Variants in PDE1C observed in about 807,000 individuals in gnomAD.
The protein encoded by PDE1C is dual specificity calcium/calmodulin-dependent 3',5'-cyclic nucleotide phosphodiesterase 1C.
In PDE1C, 62 loss-of-function variants were observed where a neutral mutation model predicts 93.1. The ratio of observed to expected loss-of-function variants is 0.67; its 90% CI spans 0.54 to 0.82. The LOEUF is 0.82. Among genes scored for constraint, PDE1C ranks in the 40% least tolerant of loss-of-function variants. The pLI, the probability that PDE1C is intolerant of heterozygous loss-of-function variation, is 0.00. For missense variants in PDE1C, 742 were observed against 884.6 expected, an observed-to-expected ratio of 0.84 and a Z score of 2.04; for synonymous variants, 325 against 310.1, an observed-to-expected ratio of 1.05 and a Z score of -0.50.
At chr7:32,137,434 C>T (rs1291048303) in intron 3 of PDE1C, among the ~76,000 whole-genome samples, 1 of 152,168 alleles carries the variant, frequency 6.6e-6, no homozygotes, top group Non-Finnish European at 1.5e-5. Flanking sequence ...GCTTAGGTGT[C>T]ACCATTATTA....
At chr7:32,032,551 T>C (rs1459894246) in intron 2 of PDE1C, among the ~76,000 whole-genome samples, 1 of 152,126 alleles carries the variant, frequency 6.6e-6, no homozygotes, top group South Asian at 2.1e-4. Context: ...ACAAGATGAA[T>C]GCAAAGAGAA....
chr7:32,386,789 C>T (rs914124089), intron 1 of PDE1C, among the ~76,000 whole-genome samples: 22 of 151,824 alleles, frequency 1.4e-4, no homozygotes, highest in Admixed American at 1.3e-3. Context: ...CACACACAGG[C>T]TTTGGAAGAA....
At chr7:32,323,962 A>G (rs1783351221) in intron 1 of PDE1C, among the ~76,000 whole-genome samples, 1 of 152,198 alleles carries the variant, frequency 6.6e-6, no homozygotes, top group African/African-American at 2.4e-5. Flanking sequence ...GCTTCCTTCA[A>G]GGTACATACA....
intron 11 of PDE1C, among the ~76,000 whole-genome samples, chr7:31,829,947 T>A (rs893574137): frequency 6.6e-6 from 1 of 152,146 alleles, no homozygotes; most frequent in Non-Finnish European, 1.5e-5. Flanking sequence ...AATTGTTCTG[T>A]CAGTACATTT....
At chr7:32,092,057 T>C (rs888587367) in intron 3 of PDE1C, among the ~76,000 whole-genome samples, 1 of 152,156 alleles carries the variant, frequency 6.6e-6, no homozygotes, top group Non-Finnish European at 1.5e-5. Context: ...CTCATCCCTA[T>C]GTTCTAAGAG....
chr7:31,838,652 C>T (rs1026266534), intron 9 of PDE1C, among the ~76,000 whole-genome samples: 1 of 152,094 alleles, frequency 6.6e-6, no homozygotes, highest in Non-Finnish European at 1.5e-5. Flanking sequence ...GATTCAGCAC[C>T]CTAAAATCCC....
chr7:31,792,539 A>G (rs1784706876), intron 16 of PDE1C, among the ~76,000 whole-genome samples: 1 of 152,092 alleles, frequency 6.6e-6, no homozygotes, highest in Admixed American at 6.6e-5. Context: ...ATGATATGTC[A>G]AAATATTTAC....
intron 15 of PDE1C, among the ~76,000 whole-genome samples, chr7:31,809,895 T>G (rs946263237): frequency 6.6e-6 from 1 of 152,116 alleles, no homozygotes; most frequent in Non-Finnish European, 1.5e-5. Context: ...AACACAGTCA[T>G]GTTCTTCAAG....
chr7:31,674,482 A>G, the PDE1C span, among the ~76,000 whole-genome samples: 1 of 152,202 alleles, frequency 6.6e-6, no homozygotes, highest in Non-Finnish European at 1.5e-5. Flanking sequence ...ACACTTCTGA[A>G]GAAGATCATG....
chr7:31,689,963 C>T, the PDE1C span, among the ~76,000 whole-genome samples: 1 of 152,232 alleles, frequency 6.6e-6, no homozygotes, highest in Non-Finnish European at 1.5e-5. Flanking sequence ...AGTGTTGTTT[C>T]TCCCATAGAC....
chr7:31,927,558 A>G (rs1803567010), intron 2 of PDE1C, among the ~76,000 whole-genome samples: 1 of 152,192 alleles, frequency 6.6e-6, no homozygotes, highest in Non-Finnish European at 1.5e-5. Context: ...TCCAGCTGGT[A>G]TCAGACAGGT....
At chr7:31,694,080 G>A in the PDE1C span, among the ~76,000 whole-genome samples, 1 of 152,174 alleles carries the variant, frequency 6.6e-6, no homozygotes, top group African/African-American at 2.4e-5. Context: ...TGCTGCTGAA[G>A]AGTTAAAAGA....
chr7:31,808,313 T>C (rs780625579), intron 16 of PDE1C: 1 of 363,916 alleles, frequency 2.7e-6, no homozygotes, highest in South Asian at 2.2e-5. Flanking sequence ...TAATATGATG[T>C]CTGTGTATGA....
At chr7:32,249,501 A>G (rs1809207075) in intron 1 of PDE1C, among the ~76,000 whole-genome samples, 1 of 152,160 alleles carries the variant, frequency 6.6e-6, no homozygotes, top group Non-Finnish European at 1.5e-5. Context: ...CTTAAACACC[A>G]GGCTAACTCA....
At position 32,273,225 on chromosome 7, in the gene PDE1C, C is replaced by T. The variant is rs528168329; in HGVS notation, c.85+25426G>A. On this transcript the variant is annotated intron_variant, in intron 1 of 18. Coordinates refer to the PDE1C transcript ENST00000396193. ...GACAGACATAGGACAAAGAGTGCCC[C>T]GGTGAGAGGGAAGACAGTAGTGTTC... Among the ~76,000 whole-genome samples the T allele has an allele frequency of 5.3e-5, 8 of 152,284 alleles. 1 individual carries two copies. In the East Asian group the frequency reaches 1.4e-3, roughly 26 times the overall value.
chr7:32,384,082 T>A (rs74630454), intron 1 of PDE1C, among the ~76,000 whole-genome samples: 1 of 152,176 alleles, frequency 6.6e-6, no homozygotes, highest in African/African-American at 2.4e-5. Context: ...AAAAGAGCCC[T>A]CTCATTCACC....
intron 7 of PDE1C, among the ~76,000 whole-genome samples, chr7:31,859,115 T>G (rs571657751): frequency 7.1e-6 from 1 of 140,070 alleles, no homozygotes; most frequent in Non-Finnish European, 1.6e-5. Flanking sequence ...ATATGATGTA[T>G]TGACTATATA....
intron 2 of PDE1C, among the ~76,000 whole-genome samples, chr7:31,962,764 T>G (rs948681602): frequency 1.3e-5 from 2 of 152,226 alleles, no homozygotes; most frequent in Non-Finnish European, 2.9e-5. Flanking sequence ...ATAATTCCAC[T>G]CCTGCACATT....
chr7:32,398,152 C>CAA (rs1342634755), intron 1 of PDE1C, among the ~76,000 whole-genome samples: 18 of 114,414 alleles, frequency 1.6e-4, no homozygotes, highest in African/African-American at 5.0e-4. Flanking sequence ...GACTCCGTCT[C>CAA]AAAAAAAAAA....
Sources: gnomAD v4.1 joint callset for allele counts (sites outside exome capture counted in the v4.1 genomes callset) on GRCh38, gnomAD v4.1.1 for gene constraint, MANE v1.5 for transcripts, NCBI Gene and HGNC (gene_info 2026-07-23, HGNC 2026-07-21) for gene names.